ST6GALNAC3: variants seen among roughly 807,000 people sequenced by gnomAD.
The protein encoded by ST6GALNAC3 is alpha-N-acetylgalactosaminide alpha-2,6-sialyltransferase 3.
ST6GALNAC3 carries 25 observed loss-of-function variants against 32.7 expected under a neutral mutation model. The ratio of observed to expected loss-of-function variants is 0.76; its 90% CI spans 0.56 to 1.07. ST6GALNAC3 has a LOEUF of 1.07. Among genes scored for constraint, ST6GALNAC3 ranks in the 50% least tolerant of loss-of-function variants. The pLI is 0.00. For synonymous variants in ST6GALNAC3, 129 were observed against 133.1 expected, an observed-to-expected ratio of 0.97 and a Z score of 0.21; for missense variants, 355 against 382.4, an observed-to-expected ratio of 0.93 and a Z score of 0.60.
At chr1:76,100,398 T>G (rs1647198892) in intron 1 of ST6GALNAC3, among the ~76,000 whole-genome samples, 1 of 152,188 alleles carries the variant, frequency 6.6e-6, no homozygotes, top group Admixed American at 6.5e-5. Flanking sequence ...GTTTTATTCA[T>G]TAATGGATGT....
chr1:76,277,920 G>A (rs944944398), intron 1 of ST6GALNAC3, among the ~76,000 whole-genome samples: 7 of 151,946 alleles, frequency 4.6e-5, no homozygotes, highest in African/African-American at 1.7e-4. Flanking sequence ...TTTAAGTCTG[G>A]TTACACAAGT....
intron 1 of ST6GALNAC3, among the ~76,000 whole-genome samples, chr1:76,218,196 T>G (rs944071492): frequency 3.3e-5 from 5 of 152,200 alleles, no homozygotes; most frequent in African/African-American, 1.2e-4. Context: ...TTGATTTTTT[T>G]GATTATGGCC....
intron 3 of ST6GALNAC3, among the ~76,000 whole-genome samples, chr1:76,553,982 G>T (rs899925169): frequency 2.0e-5 from 3 of 152,110 alleles, no homozygotes; most frequent in African/African-American, 7.2e-5. Context: ...GTTCTGATTG[G>T]CTGGCTTTTT....
At chr1:76,636,055 C>T (rs1432549315), downstream of ST6GALNAC3, among the ~76,000 whole-genome samples, 2 of 152,106 alleles carry the variant, frequency 1.3e-5, no homozygotes, top group Non-Finnish European at 2.9e-5. Flanking sequence ...TTTGATAATC[C>T]TTGTTCAAGC....
intron 3 of ST6GALNAC3, among the ~76,000 whole-genome samples, chr1:76,559,588 C>G (rs1665127231): frequency 2.0e-5 from 3 of 152,106 alleles, no homozygotes; most frequent in South Asian, 4.1e-4. Flanking sequence ...AAAATCAGGA[C>G]TTGGGGTGGA....
intron 1 of ST6GALNAC3, among the ~76,000 whole-genome samples, chr1:76,136,457 C>T (rs75764571): frequency 0.025 from 3,847 of 151,958 alleles, 79 homozygotes; most frequent in Middle Eastern, 0.095. Context: ...AATTAAGTGG[C>T]GTCTTCTGTG....
intron 3 of ST6GALNAC3, among the ~76,000 whole-genome samples, chr1:76,416,368 CT>C (rs968169732): frequency 3.9e-5 from 6 of 152,096 alleles, no homozygotes; most frequent in African/African-American, 1.4e-4. Context: ...GTTATTAGAA[CT>C]TTTTAGCAAG....
At chr1:76,105,769 A>G (rs1370518879) in intron 1 of ST6GALNAC3, among the ~76,000 whole-genome samples, 1 of 152,248 alleles carries the variant, frequency 6.6e-6, no homozygotes, top group African/African-American at 2.4e-5. Flanking sequence ...GCATATATTA[A>G]TAGCCCTATA....
In ST6GALNAC3 at chr1:76,441,699, A is replaced by G. The variant is rs1656618515; in HGVS notation, c.623+29282A>G. Among the ~76,000 whole-genome samples the G allele has an allele frequency of 3.3e-5, 5 of 152,102 alleles. No individual in the cohort carries two copies. In the South Asian group the frequency reaches 1.0e-3, roughly 32 times the overall value. Reference sequence around the variant, plus strand: ...CTATAGTCACCCTTTATTCTATCAAATAGTAGGTCTTATTCATTATTTCTA... The same window carrying G: ...CTATAGTCACCCTTTATTCTATCAAGTAGTAGGTCTTATTCATTATTTCTA... On this transcript the variant is annotated intron_variant, in intron 3 of 4. Coordinates refer to ENST00000328299, the MANE Select transcript of ST6GALNAC3 (RefSeq NM_152996.4).
chr1:76,135,931 T>C (rs1455565016), intron 1 of ST6GALNAC3, among the ~76,000 whole-genome samples: 4 of 152,184 alleles, frequency 2.6e-5, no homozygotes, highest in African/African-American at 9.7e-5. Flanking sequence ...TGGCTCTGGC[T>C]CAGCTGTGCC....
At chr1:76,494,429 GTA>G (rs60378565) in intron 3 of ST6GALNAC3, among the ~76,000 whole-genome samples, 4,296 of 53,318 alleles carry the variant, frequency 0.081, 244 homozygotes, top group Non-Finnish European at 0.096. Flanking sequence ...GTGTGCATGT[GTA>G]TATATATATA....
At chr1:76,619,249 G>C (rs1360959897) in intron 3 of ST6GALNAC3, among the ~76,000 whole-genome samples, 1 of 152,056 alleles carries the variant, frequency 6.6e-6, no homozygotes, top group African/African-American at 2.4e-5. Context: ...AAGCAGCAGT[G>C]GTATGTGTTT....
intron 3 of ST6GALNAC3, chr1:76,576,709 G>A: frequency 1.0e-5 from 6 of 591,130 alleles, no homozygotes; most frequent in South Asian, 1.0e-4. Flanking sequence ...AAATGCCAGA[G>A]GAAAAGCTCT....
intron 1 of ST6GALNAC3, among the ~76,000 whole-genome samples, chr1:76,251,216 T>A (rs1296249948): frequency 6.6e-6 from 1 of 152,216 alleles, no homozygotes; most frequent in African/African-American, 2.4e-5. Context: ...TTAGTCCATT[T>A]ACGTGACTTC....
intron 1 of ST6GALNAC3, among the ~76,000 whole-genome samples, chr1:76,197,759 T>G (rs116829517): frequency 0.01 from 1,544 of 152,200 alleles, 12 homozygotes; most frequent in Non-Finnish European, 0.015. Context: ...CTCTAAGCCT[T>G]TGGGGTTTCT....
chr1:76,442,875 C>A (rs542961412), intron 3 of ST6GALNAC3, among the ~76,000 whole-genome samples: 1 of 152,342 alleles, frequency 6.6e-6, no homozygotes, highest in South Asian at 2.1e-4. Context: ...CCATCAGACT[C>A]CTGCTGGATA....
At chr1:76,527,169 C>T (rs1423388034) in intron 3 of ST6GALNAC3, among the ~76,000 whole-genome samples, 2 of 152,048 alleles carry the variant, frequency 1.3e-5, no homozygotes, top group South Asian at 2.1e-4. Context: ...CTTTTCAGCA[C>T]ATCCCCAGGT....
At chr1:76,622,229 C>T (rs565960926) in intron 3 of ST6GALNAC3, among the ~76,000 whole-genome samples, 36 of 152,078 alleles carry the variant, frequency 2.4e-4, no homozygotes, top group African/African-American at 8.4e-4. Context: ...CTTCTGAACT[C>T]GTTGTCCTTG....
At chr1:76,255,639 T>A (rs1475744843) in intron 1 of ST6GALNAC3, among the ~76,000 whole-genome samples, 1 of 152,134 alleles carries the variant, frequency 6.6e-6, no homozygotes, top group Non-Finnish European at 1.5e-5. Context: ...TGCTCCTTAG[T>A]GTCTTATGCC....
Sources: gnomAD v4.1 joint callset for allele counts (sites outside exome capture counted in the v4.1 genomes callset) on GRCh38, gnomAD v4.1.1 for gene constraint, MANE v1.5 for transcripts, NCBI Gene and HGNC (gene_info 2026-07-23, HGNC 2026-07-21) for gene names.